Variants in PPA2 observed in about 807,000 individuals in gnomAD.
The protein encoded by PPA2 is inorganic pyrophosphatase 2, mitochondrial.
PPA2 carries 48 observed loss-of-function variants against 49.5 expected under a neutral mutation model. The observed-to-expected ratio is 0.97, with a 90% CI of 0.77 to 1.23. PPA2 has a LOEUF of 1.23. PPA2 is among the 50% of genes most tolerant of loss of function. The pLI, the probability that PPA2 is intolerant of heterozygous loss-of-function variation, is 0.00. For synonymous variants in PPA2, 131 were observed against 139.9 expected (o/e 0.94, Z 0.45); for missense variants, 429 against 410.1 (o/e 1.05, Z -0.40).
At chr4:105,383,292 G>C (rs1025361853) in intron 10 of PPA2, among the ~76,000 whole-genome samples, 7 of 152,096 alleles carry the variant, frequency 4.6e-5, no homozygotes, top group Admixed American at 2.0e-4. Context: ...TCCTTCTAAA[G>C]ATCTCTAACC....
chr4:105,408,861 T>C (rs564671650), intron 7 of PPA2, among the ~76,000 whole-genome samples: 4 of 152,350 alleles, frequency 2.6e-5, no homozygotes, highest in Admixed American at 6.5e-5. Context: ...TAAAAATTAA[T>C]GTTTTAAAGA....
chr4:105,396,026 A>G (rs576181405), intron 9 of PPA2, among the ~76,000 whole-genome samples: 1 of 152,288 alleles, frequency 6.6e-6, no homozygotes, highest in African/African-American at 2.4e-5. Context: ...TTAAATGTCC[A>G]TTTATTTATC....
intron 1 of PPA2, among the ~76,000 whole-genome samples, chr4:105,472,893 T>C (rs1723584457): frequency 6.6e-6 from 1 of 152,230 alleles, no homozygotes; most frequent in Non-Finnish European, 1.5e-5. Flanking sequence ...TATAATGTCA[T>C]GTAATACTTG....
At chr4:105,386,726 A>AT in intron 9 of PPA2, 90 bp from the exon 10 acceptor site, 1 of 941,058 alleles carries the variant, frequency 1.1e-6, no homozygotes, top group East Asian at 2.7e-5. Flanking sequence ...AATACTCCAC[A>AT]TCTGTTGTAT....
chr4:105,413,409 G>A (rs1722854400), intron 7 of PPA2, among the ~76,000 whole-genome samples: 2 of 152,074 alleles, frequency 1.3e-5, no homozygotes, highest in Admixed American at 1.3e-4. Context: ...CATGGCACAT[G>A]TATACCTATG....
rs1458850900 is a variant in PPA2, at chr4:105,447,729, CT to C, written c.322-1228del. Among the ~76,000 whole-genome samples, 4 of 134,906 alleles carry C rather than the reference CT, an allele frequency of 3.0e-5. No homozygotes were observed. In the East Asian group the frequency reaches 1.0e-3, roughly 35 times the overall value. The allele number at this position is 134,906 out of a possible 152,430, so 88.5% of individuals were successfully genotyped here. On this transcript the variant is annotated intron_variant, in intron 4 of 11. Coordinates refer to ENST00000341695, the MANE Select transcript of PPA2 (RefSeq NM_176869.3). ...CTGATTTTATTTCAAAGTTAGTTTT[CT>C]TTTTTCTTTTTTTTTTTTTTTGAGA... is the stretch of plus-strand genomic sequence containing the variant.
At chr4:105,403,195 TTTTG>T (rs1277053239) in intron 7 of PPA2, among the ~76,000 whole-genome samples, 1 of 152,024 alleles carries the variant, frequency 6.6e-6, no homozygotes, top group Non-Finnish European at 1.5e-5. Flanking sequence ...GGCTAATCTT[TTTTG>T]TTTGTTTGTT....
intron 7 of PPA2, among the ~76,000 whole-genome samples, chr4:105,420,002 C>T (rs370529201): frequency 6.6e-5 from 10 of 150,614 alleles, no homozygotes; most frequent in African/African-American, 2.2e-4. Flanking sequence ...GATGGAGTCT[C>T]GCTCTTGTTG....
intron 7 of PPA2, among the ~76,000 whole-genome samples, chr4:105,420,804 C>T (rs570645178): frequency 1.7e-4 from 26 of 152,194 alleles, no homozygotes; most frequent in Middle Eastern, 6.8e-3. Context: ...AAAAGAAACC[C>T]GCAGGTGATA....
intron 7 of PPA2, among the ~76,000 whole-genome samples, chr4:105,400,861 A>C (rs181516049): frequency 1.3e-5 from 2 of 152,310 alleles, no homozygotes; most frequent in African/African-American, 4.8e-5. Flanking sequence ...AAAGACACAA[A>C]TTAGGAAAAA....
At chr4:105,389,648 A>C in intron 9 of PPA2, among the ~76,000 whole-genome samples, 1 of 152,024 alleles carries the variant, frequency 6.6e-6, no homozygotes, top group Non-Finnish European at 1.5e-5. Context: ...AAAAATAATA[A>C]AGTATATTAC....
chr4:105,369,684 TAG>T lies in PPA2; in HGVS notation c.*39_*40del. The T allele has an allele frequency of 8.2e-7, 1 of 1,217,844 alleles. No homozygotes were observed. The highest frequency in any genetic ancestry group is 1.1e-6 in the Non-Finnish European group (1 of 884,754). The allele number at this position is 1,217,844 out of a possible 1,614,324, so 75.4% of individuals were successfully genotyped here. A position where few individuals can be genotyped will look rare whatever the true frequency, so the allele number is the denominator to read the frequency against. The stretch of plus-strand genomic sequence containing the variant: ...CCTTGTCTCTAGCACTTGGAGTCCT[TAG>T]AGATGGGAATCTTGACAGCAGAATT... On this transcript the variant is annotated 3_prime_UTR_variant, in exon 12 of 12. Transcript: ENST00000341695.
intron 6 of PPA2, among the ~76,000 whole-genome samples, chr4:105,431,583 T>G (rs935478770): frequency 1.3e-5 from 2 of 152,170 alleles, no homozygotes; most frequent in Non-Finnish European, 2.9e-5. Flanking sequence ...ATTCCATTCC[T>G]AGGTGAAAAA....
intron 6 of PPA2, among the ~76,000 whole-genome samples, chr4:105,431,838 T>A (rs1486004282): frequency 6.6e-6 from 1 of 152,192 alleles, no homozygotes; most frequent in Non-Finnish European, 1.5e-5. Flanking sequence ...AAAGGTTACA[T>A]ATCATGTGAG....
intron 9 of PPA2, among the ~76,000 whole-genome samples, chr4:105,387,507 T>C (rs1430420167): frequency 6.6e-6 from 1 of 152,212 alleles, no homozygotes; most frequent in African/African-American, 2.4e-5. Flanking sequence ...GTGTGAAATA[T>C]GCCGAGATAT....
chr4:105,450,850 G>A (rs113565773), intron 3 of PPA2, among the ~76,000 whole-genome samples: 8,131 of 151,908 alleles, frequency 0.054, 342 homozygotes, highest in African/African-American at 0.11. Context: ...CTCGTGATCC[G>A]CCCACCTCGG....
chr4:105,397,824 G>A (rs1341328562), intron 8 of PPA2, among the ~76,000 whole-genome samples: 1 of 152,058 alleles, frequency 6.6e-6, no homozygotes, highest in Admixed American at 6.6e-5. Flanking sequence ...GGCATGACTG[G>A]AAGCTTTCTG....
chr4:105,398,157 G>C (rs1009047642), intron 8 of PPA2: 34 of 151,176 alleles, frequency 2.2e-4, no homozygotes, highest in South Asian at 2.1e-4. Context: ...ATACCATATA[G>C]GTTTAAAATT....
At chr4:105,457,820 C>G (rs1325428870) in intron 1 of PPA2, among the ~76,000 whole-genome samples, 1 of 152,158 alleles carries the variant, frequency 6.6e-6, no homozygotes. Flanking sequence ...TACTTTGGGC[C>G]TCCCGAAGTA....
Sources: gnomAD v4.1 joint callset for allele counts (sites outside exome capture counted in the v4.1 genomes callset) on GRCh38, gnomAD v4.1.1 for gene constraint, MANE v1.5 for transcripts, NCBI Gene and HGNC (gene_info 2026-07-23, HGNC 2026-07-21) for gene names.